The following PLXNA2 variants were observed in gnomAD, a reference collection of about 807,000 sequenced individuals.
The protein encoded by PLXNA2 is plexin A2.
Under a neutral mutation model 193.5 loss-of-function variants are expected in PLXNA2, and 91 were observed. That is an observed-to-expected ratio of 0.47 (90% CI 0.40 to 0.56). The LOEUF is 0.56. PLXNA2 is among the 20% of genes least tolerant of loss of function. The pLI is 0.00. For missense variants in PLXNA2, 1,995 were observed against 2,503.2 expected (o/e 0.80, Z 4.33); for synonymous variants, 997 against 1,027.3 (o/e 0.97, Z 0.56).
intron 3 of PLXNA2, among the ~76,000 whole-genome samples, chr1:208,174,137 G>GT (rs2102535433): frequency 6.6e-6 from 1 of 152,372 alleles, no homozygotes; most frequent in African/African-American, 2.4e-5. Flanking sequence ...GACGTGACTG[G>GT]TTTTTGCAAA....
In PLXNA2 at chr1:208,098,911, T is replaced by C; in HGVS notation, c.1666A>G (p.Ile556Val). 6.2e-7 allele frequency: 1 copy of C among 1,613,972 alleles called. No homozygotes were observed. Among genetic ancestry groups the C allele is most frequent in the Non-Finnish European group, 8.5e-7 (1 of 1,180,006 alleles). Residue 556 changes from isoleucine (I) to valine (V), a missense_variant, in exon 6 of 32, where the codon ATC becomes GTC. Coordinates refer to ENST00000367033, the MANE Select transcript of PLXNA2 (RefSeq NM_025179.4). Reference protein sequence around the residue: ...AWEPNRFAASISQCVSLAVHP... With the variant: ...AWEPNRFAASVSQCVSLAVHP... ...ACTGCAAGGCTCACACACTGGCTGATGCTGGCAGCAAATCGATTAGGTTCC... is the reference window on the plus strand; with the variant it reads ...ACTGCAAGGCTCACACACTGGCTGACGCTGGCAGCAAATCGATTAGGTTCC...
chr1:208,127,901 G>T (rs577783513), intron 4 of PLXNA2, among the ~76,000 whole-genome samples: 1 of 152,290 alleles, frequency 6.6e-6, no homozygotes, highest in South Asian at 2.1e-4. Context: ...AGCTCTGACT[G>T]CCCCTCCTCT....
rs1216622430 is a variant in PLXNA2 at position 208,095,497 on chromosome 1, TA to T, written c.1982+531del. 7.2e-5 allele frequency among the ~76,000 whole-genome samples: 11 copies of T among 152,150 alleles called. 1 individual carries two copies. The highest frequency in any genetic ancestry group is 7.2e-4 in the Admixed American group (11 of 15,276). On this transcript the variant is annotated intron_variant, in intron 8 of 31. Coordinates refer to ENST00000367033, the MANE Select transcript of PLXNA2 (RefSeq NM_025179.4). ...TCTTGAAAATATTGAAGGATGGATT[TA>T]AAAAATGATGGAGTGAAGGCCTCTG...
chr1:208,234,971 G>A (rs1558259381), intron 1 of PLXNA2, among the ~76,000 whole-genome samples: 1 of 152,206 alleles, frequency 6.6e-6, no homozygotes, highest in Non-Finnish European at 1.5e-5. Flanking sequence ...CTGTGCAGGA[G>A]AGATGCAAGC....
chr1:208,048,912 C>T (rs775675625), intron 17 of PLXNA2, among the ~76,000 whole-genome samples: 1 of 152,194 alleles, frequency 6.6e-6, no homozygotes, highest in Non-Finnish European at 1.5e-5. Flanking sequence ...TGTGAGCGTG[C>T]CTTTCATATG....
intron 3 of PLXNA2, among the ~76,000 whole-genome samples, chr1:208,191,478 T>C (rs1317393580): frequency 1.3e-5 from 2 of 152,210 alleles, no homozygotes; most frequent in East Asian, 3.8e-4. Context: ...AGGACAATTA[T>C]AATAGTACAT....
Position 208,042,304 on chromosome 1 carries a change from G to T in PLXNA2, c.4080C>A (p.Asn1360Lys), listed in dbSNP as rs776738211. Residue 1360 changes from asparagine to lysine, a missense_variant, in exon 22 of 32, where the codon AAC (asparagine) becomes AAA (lysine). Coordinates refer to ENST00000367033, the MANE Select transcript of PLXNA2 (RefSeq NM_025179.4). ...KALKLFAQLI[N>K]NKVFLLTFIR... ...TGAAGGTCAGCAGGAACACCTTGTT[G>T]TTGATGAGCTGGGCAAAGAGCTTCA... 6.2e-7 allele frequency: 1 copy of T among 1,614,200 alleles called. No homozygotes were observed. The highest frequency in any genetic ancestry group is 8.5e-7 in the Non-Finnish European group (1 of 1,180,022).
chr1:208,157,122 C>T (rs923810062), intron 3 of PLXNA2, among the ~76,000 whole-genome samples: 6 of 152,184 alleles, frequency 3.9e-5, no homozygotes, highest in African/African-American at 1.4e-4. Flanking sequence ...TGGGAAATGT[C>T]CTGAAAAGTA....
At position 208,028,070 on chromosome 1, in the gene PLXNA2, T is replaced by G; in HGVS notation, c.5528A>C (p.Glu1843Ala). 1 of 1,613,554 alleles carries G rather than the reference T, an allele frequency of 6.2e-7. No individual in the cohort carries two copies. Among genetic ancestry groups the G allele is most frequent in the Non-Finnish European group, 8.5e-7 (1 of 1,179,742 alleles). ...LAEQSRLHAV[E>A]FNMLSALNEI... ...ATTGAGGGCACTCAGCATGTTGAACTCCACGGCGTGCAGGCGGGACTGCTC... is the reference window on the plus strand; with the variant it reads ...ATTGAGGGCACTCAGCATGTTGAACGCCACGGCGTGCAGGCGGGACTGCTC... Residue 1843 changes from glutamate to alanine, a missense_variant, in exon 31 of 32, where the codon GAG (glutamate) becomes GCG (alanine). Physicochemically the swap from Glu to Ala is moderately radical, Grantham distance 107. Transcript: ENST00000367033. The surrounding 1 kb of genome is among the most constrained non-coding windows in gnomAD (Gnocchi z 4.2).
At chr1:208,031,487 C>A (rs973983265) in intron 29 of PLXNA2, 103 bp downstream of exon 29, 5 of 1,461,916 alleles carry the variant, frequency 3.4e-6, no homozygotes, top group African/African-American at 1.4e-5. Context: ...CAGCCCCAGC[C>A]GAGAATAGGC....
intron 12 of PLXNA2, among the ~76,000 whole-genome samples, chr1:208,075,065 C>A (rs1666103857): frequency 6.6e-6 from 1 of 152,172 alleles, no homozygotes; most frequent in South Asian, 2.1e-4. Context: ...AAATCCAGCA[C>A]TTTGGGAAGT....
At chr1:208,203,358 C>T (rs1346914010) in intron 3 of PLXNA2, among the ~76,000 whole-genome samples, 1 of 152,200 alleles carries the variant, frequency 6.6e-6, no homozygotes, top group Non-Finnish European at 1.5e-5. Flanking sequence ...CCCACCACCC[C>T]AGTGTCCAGC....
At chr1:208,122,427 T>TA (rs1230313347) in intron 4 of PLXNA2, among the ~76,000 whole-genome samples, 1 of 152,124 alleles carries the variant, frequency 6.6e-6, no homozygotes, top group Admixed American at 6.5e-5. Flanking sequence ...TCTTTATCCA[T>TA]AAAAACGTCT....
At chr1:208,080,907 A>G (rs973282508) in intron 11 of PLXNA2, among the ~76,000 whole-genome samples, 6 of 152,190 alleles carry the variant, frequency 3.9e-5, no homozygotes, top group Admixed American at 3.9e-4. Flanking sequence ...GGTGAACCCC[A>G]CTTTGCTGGA....
At chr1:208,194,619 A>T (rs1379915023) in intron 3 of PLXNA2, among the ~76,000 whole-genome samples, 3 of 152,186 alleles carry the variant, frequency 2.0e-5, no homozygotes, top group African/African-American at 7.2e-5. Context: ...AAGGAAAAGA[A>T]AAAGAACACC....
rs768296677 is a variant in PLXNA2, at chr1:208,029,078, G to T, written c.5226-36C>A. ...AGGCAGAGAAGACTTGAGAATGCAT[G>T]CGGGCCGTGCCCCTTCTGCTGCCCA... is the stretch of plus-strand genomic sequence containing the variant. On this transcript the variant is annotated intron_variant, in intron 29 of 31. Coordinates refer to ENST00000367033, the MANE Select transcript of PLXNA2 (RefSeq NM_025179.4). 7.4e-6 allele frequency: 12 copies of T among 1,611,752 alleles called. No homozygotes were observed. In the East Asian group the frequency reaches 2.7e-4, roughly 36 times the overall value.
At chr1:208,166,175 A>G (rs1350662785) in intron 3 of PLXNA2, among the ~76,000 whole-genome samples, 1 of 152,194 alleles carries the variant, frequency 6.6e-6, no homozygotes, top group African/African-American at 2.4e-5. Flanking sequence ...TGAAAAAGGG[A>G]AAAAAATCTC....
intron 3 of PLXNA2, among the ~76,000 whole-genome samples, chr1:208,184,362 G>A (rs547870149): frequency 6.6e-6 from 1 of 151,974 alleles, no homozygotes; most frequent in African/African-American, 2.4e-5. Context: ...GAATTCAGGT[G>A]GTAGCTACAG....
At chr1:208,224,507 C>T (rs919259226) in intron 1 of PLXNA2, among the ~76,000 whole-genome samples, 5 of 150,132 alleles carry the variant, frequency 3.3e-5, no homozygotes, top group African/African-American at 4.9e-5. Flanking sequence ...ATTTTATGCA[C>T]GCGATTTAAA....
Sources: allele counts gnomAD v4.1 joint callset (sites outside exome capture counted in the v4.1 genomes callset), GRCh38; gene constraint gnomAD v4.1.1; non-coding constraint Gnocchi (gnomAD v3.1); transcripts MANE v1.5; gene names NCBI Gene and HGNC (gene_info 2026-07-23, HGNC 2026-07-21).